The following PHKG2 variants were observed in gnomAD, a reference collection of about 807,000 sequenced individuals.
PHKG2 encodes the protein phosphorylase b kinase gamma catalytic chain, liver/testis isoform.
PHKG2 carries 28 observed loss-of-function variants against 44.5 expected under a neutral mutation model. That is an observed-to-expected ratio of 0.63 (90% CI 0.47 to 0.86). The LOEUF (loss-of-function observed/expected upper bound fraction) is 0.86. Ranked by LOEUF, PHKG2 falls within the 40% of genes least tolerant of loss-of-function variation. The pLI is 0.00. For missense variants in PHKG2, 498 were observed against 547.5 expected (o/e 0.91, Z 0.90); for synonymous variants, 220 against 211.2 (o/e 1.04, Z -0.36).
In PHKG2 at chr16:30,759,389, T is replaced by C. The variant is rs139508776; in HGVS notation, c.*2292T>C. 3.8e-5 allele frequency: 62 copies of C among 1,614,182 alleles called. No individual in the cohort carries two copies. The African/African-American group carries it at 7.3e-4, about 19-fold the overall frequency. On this transcript the variant is annotated 3_prime_UTR_variant, in exon 10 of 10. Transcript: ENST00000563588. The stretch of plus-strand genomic sequence containing the variant: ...TAGAGCTTGAAGTGGCGGAAGTAAG[T>C]GTTGACCACGTAGTCTTCCAAGGCC...
At chr16:30,756,161 A>G (rs758052953) in intron 6 of PHKG2, 21 bp from the exon 7 acceptor site, 61 of 1,596,884 alleles carry the variant, frequency 3.8e-5, no homozygotes, top group Non-Finnish European at 5.2e-5. Context: ...CATCCCCTCA[A>G]TCTTGGTCCT....
intron 2 of PHKG2, 43 bp downstream of exon 2, chr16:30,748,958 C>A: frequency 7.3e-7 from 1 of 1,371,608 alleles, no homozygotes; most frequent in Non-Finnish European, 1.0e-6. Flanking sequence ...AGAGGTCGAG[C>A]CCCAGCATTC....
At chr16:30,751,845 G>C in intron 4 of PHKG2, 1 of 515,758 alleles carries the variant, frequency 1.9e-6, no homozygotes, top group Non-Finnish European at 3.6e-6. Context: ...TGTAATCCCA[G>C]CACTTTGGGA....
Position 30,759,827 on chromosome 16 carries a change from T to C in PHKG2, c.*2730T>C. ...ACCATGAGCTTCAGAAGCAGACAGA[T>C]CTGGGTTTCAGCACTGGCTTGTTTC... is the stretch of plus-strand genomic sequence containing the variant. On this transcript the variant is annotated 3_prime_UTR_variant, in exon 10 of 10. Coordinates refer to ENST00000563588, the MANE Select transcript of PHKG2 (RefSeq NM_000294.3). 3 of 1,498,708 alleles carry C rather than the reference T, an allele frequency of 2.0e-6. No homozygotes were observed. Among genetic ancestry groups the C allele is most frequent in the Non-Finnish European group, 2.7e-6 (3 of 1,127,924 alleles). The allele number at this position is 1,498,708 out of a possible 1,614,324, so 92.8% of individuals were successfully genotyped here.
chr16:30,750,656 T>G (rs1203008168), intron 2 of PHKG2, among the ~76,000 whole-genome samples: 1 of 152,236 alleles, frequency 6.6e-6, no homozygotes, highest in East Asian at 1.9e-4. Context: ...TAAGATCTAA[T>G]TTTCAGCTTT....
At chr16:30,748,758 A>T in intron 1 of PHKG2, 45 bp from the exon 2 acceptor site, 1 of 1,171,776 alleles carries the variant, frequency 8.5e-7, no homozygotes, top group Non-Finnish European at 1.2e-6. Flanking sequence ...GTCGTCTCAG[A>T]GCCTGTGGGC....
intron 2 of PHKG2, 128 bp from the exon 3 acceptor site, chr16:30,750,978 C>G: frequency 1.0e-6 from 1 of 959,780 alleles, no homozygotes; most frequent in Non-Finnish European, 1.6e-6. Context: ...AGCTCCTAAG[C>G]TTGTTGCCCT....
chr16:30,757,559 C>T lies in PHKG2; in HGVS notation c.*462C>T, dbSNP rs775575214. 2.3e-5 allele frequency: 37 copies of T among 1,614,112 alleles called. No individual in the cohort carries two copies. The highest frequency in any genetic ancestry group is 1.6e-4 in the Middle Eastern group (1 of 6,082). On this transcript the variant is annotated 3_prime_UTR_variant, in exon 10 of 10. Coordinates refer to ENST00000563588, the MANE Select transcript of PHKG2 (RefSeq NM_000294.3). Reference sequence around the variant, plus strand: ...GTCAACTTGCTGCTGAGCCTTTCCTCGCTGGCCTTGAGCCGCTCCTCCACC... The same window carrying T: ...GTCAACTTGCTGCTGAGCCTTTCCTTGCTGGCCTTGAGCCGCTCCTCCACC...
At chr16:30,754,188 CAG>C (rs1279258228) in intron 6 of PHKG2, among the ~76,000 whole-genome samples, 4 of 143,598 alleles carry the variant, frequency 2.8e-5, no homozygotes, top group East Asian at 2.0e-4. Flanking sequence ...TTTTTTGAGA[CAG>C]AGTCTCACTC....
intron 5 of PHKG2, 38 bp from the exon 6 acceptor site, chr16:30,753,356 G>A (rs919599212): frequency 6.2e-7 from 1 of 1,613,670 alleles, no homozygotes; most frequent in Non-Finnish European, 8.5e-7. Flanking sequence ...GCAGGGAGGA[G>A]CCGAGGAGGA....
Position 30,760,518 on chromosome 16 carries a change from G to A in PHKG2, c.*3421G>A. The A allele has an allele frequency of 6.2e-7, 1 of 1,609,850 alleles. No homozygotes were observed. Among genetic ancestry groups the A allele is most frequent in the Non-Finnish European group, 8.5e-7 (1 of 1,177,636 alleles). ...TTTCATCACCCTACACCCACCACAT[G>A]CTTTGGAGTCAGCCATTCCTCATGT... On this transcript the variant is annotated 3_prime_UTR_variant, in exon 10 of 10. Coordinates refer to ENST00000563588, the MANE Select transcript of PHKG2 (RefSeq NM_000294.3).
chr16:30,755,963 C>T (rs546304500), intron 6 of PHKG2, among the ~76,000 whole-genome samples: 91 of 152,230 alleles, frequency 6.0e-4, no homozygotes, highest in African/African-American at 2.1e-3. Context: ...TGAAATCAAT[C>T]CAAAACCCAG....
At position 30,759,309 on chromosome 16, in the gene PHKG2, G is replaced by C; in HGVS notation, c.*2212G>C. 6.2e-7 allele frequency: 1 copy of C among 1,612,724 alleles called. No homozygotes were observed. Among genetic ancestry groups the C allele is most frequent in the Non-Finnish European group, 8.5e-7 (1 of 1,178,896 alleles). On this transcript the variant is annotated 3_prime_UTR_variant, in exon 10 of 10. Coordinates refer to ENST00000563588, the MANE Select transcript of PHKG2 (RefSeq NM_000294.3). ...ACCTGTGCTGAGGGGAGGGGCGGTTGAGGGTGGCTCCTCATGGTCCACCAC... is the reference window on the plus strand; with the variant it reads ...ACCTGTGCTGAGGGGAGGGGCGGTTCAGGGTGGCTCCTCATGGTCCACCAC...
intron 6 of PHKG2, 150 bp downstream of exon 6, chr16:30,753,707 A>G: frequency 4.0e-6 from 3 of 746,382 alleles, no homozygotes; most frequent in Non-Finnish European, 6.7e-6. Flanking sequence ...CGCAAAGCCT[A>G]TGTTTACCTC....
At chr16:30,755,826 T>A (rs182663531) in intron 6 of PHKG2, among the ~76,000 whole-genome samples, 1 of 152,254 alleles carries the variant, frequency 6.6e-6, no homozygotes, top group African/African-American at 2.4e-5. Flanking sequence ...TAAAAATACA[T>A]AATCTTTCCA....
intron 1 of PHKG2, 131 bp from the exon 2 acceptor site, chr16:30,748,672 T>TCCCCCCCC: frequency 2.9e-6 from 1 of 347,038 alleles, no homozygotes; most frequent in East Asian, 8.1e-5. Flanking sequence ...TCCGGGTCCT[T>TCCCCCCCC]CCCCCACCCC....
rs2053432661 is a variant in PHKG2, at chr16:30,756,684, C to T, written c.896C>T (p.Pro299Leu). ...TTTGAGCGTTGTGAAGGCAGCCAAC[C>T]CTGGAACCTCACCCCCCGCCAGCGG... is the stretch of plus-strand genomic sequence containing the variant. ...PFFERCEGSQPWNLTPRQRFR... is the reference protein window; with the variant it reads ...PFFERCEGSQLWNLTPRQRFR... The change falls in exon 9 of 10, where the codon CCC becomes CTC. Residue 299 changes from proline to leucine, a missense_variant. Pro to Leu is a moderately conservative substitution (Grantham distance 98, BLOSUM62 -3). Coordinates refer to ENST00000563588, the MANE Select transcript of PHKG2 (RefSeq NM_000294.3). 6.2e-7 allele frequency: 1 copy of T among 1,614,090 alleles called. No homozygotes were observed. Among genetic ancestry groups the T allele is most frequent in the Non-Finnish European group, 8.5e-7 (1 of 1,180,028 alleles).
At chr16:30,750,086 T>C (rs2053324766) in intron 2 of PHKG2, among the ~76,000 whole-genome samples, 1 of 152,166 alleles carries the variant, frequency 6.6e-6, no homozygotes, top group Non-Finnish European at 1.5e-5. Context: ...CAAACTCAGA[T>C]GCCCTTAGTG....
rs1256262335 is a variant in PHKG2 at position 30,759,792 on chromosome 16, GC to G, written c.*2696del. ...ATCCATTCATTCACTTCACTCAACAGCTGTTTATGACCATGAGCTTCAGAAG... is the reference window on the plus strand; with the variant it reads ...ATCCATTCATTCACTTCACTCAACAGTGTTTATGACCATGAGCTTCAGAAG... On this transcript the variant is annotated 3_prime_UTR_variant, in exon 10 of 10. Coordinates refer to ENST00000563588, the MANE Select transcript of PHKG2 (RefSeq NM_000294.3). 6.5e-7 allele frequency: 1 copy of G among 1,542,250 alleles called. No individual in the cohort carries two copies. Among genetic ancestry groups the G allele is most frequent in the African/African-American group, 1.4e-5 (1 of 72,544 alleles).
Sources: allele counts gnomAD v4.1 joint callset (sites outside exome capture counted in the v4.1 genomes callset), GRCh38; gene constraint gnomAD v4.1.1; transcripts MANE v1.5; gene names NCBI Gene and HGNC (gene_info 2026-07-23, HGNC 2026-07-21).